The following GATAD2A variants were observed in gnomAD, a reference collection of about 807,000 sequenced individuals.
The protein encoded by GATAD2A is transcriptional repressor p66-alpha.
Under a neutral mutation model 68.5 loss-of-function variants are expected in GATAD2A, and 12 were observed. The observed-to-expected ratio is 0.18, with a 90% confidence interval of 0.11 to 0.28. The LOEUF is 0.28. GATAD2A is among the 10% of genes least tolerant of loss of function. The pLI, the probability that GATAD2A is intolerant of heterozygous loss-of-function variation, is 1.00. For missense variants in GATAD2A, 755 were observed against 868.5 expected (o/e 0.87, Z 1.64); for synonymous variants, 410 against 375.3 (o/e 1.09, Z -1.07).
intron 1 of GATAD2A, among the ~76,000 whole-genome samples, chr19:19,410,522 T>C (rs1784071126): frequency 6.6e-6 from 1 of 152,250 alleles, no homozygotes. Flanking sequence ...CAGTTCCGTC[T>C]CAGGACCTGG....
At chr19:19,481,978 G>A (rs550672371) in intron 2 of GATAD2A, among the ~76,000 whole-genome samples, 3 of 152,142 alleles carry the variant, frequency 2.0e-5, no homozygotes, top group Middle Eastern at 3.4e-3. Flanking sequence ...GTGGTGGCTC[G>A]TGCCTGTAGT....
At chr19:19,499,115 G>A (rs2060347519) in intron 8 of GATAD2A, among the ~76,000 whole-genome samples, 1 of 152,226 alleles carries the variant, frequency 6.6e-6, no homozygotes, top group South Asian at 2.1e-4. Flanking sequence ...CAGCTTCTGA[G>A]GAGGGAGAGG....
At position 19,467,572 on chromosome 19, in the gene GATAD2A, T is replaced by G. The variant is rs144320024; in HGVS notation, c.269+1958T>G. Among the ~76,000 whole-genome samples the G allele has an allele frequency of 2.0e-5, 3 of 152,318 alleles. No individual in the cohort carries two copies. The East Asian group carries it at 5.8e-4, about 29-fold the overall frequency. On this transcript the variant is annotated intron_variant, in intron 2 of 11. Coordinates refer to ENST00000683918, the MANE Select transcript of GATAD2A (RefSeq NM_001384528.1). ...GCATTGTGAGATTTACCCATATTGT[T>G]GTGCATACCAGTAGTTAATCCATTT...
At chr19:19,454,389 GGAGTTC>G (rs2056721062) in intron 1 of GATAD2A, among the ~76,000 whole-genome samples, 1 of 151,562 alleles carries the variant, frequency 6.6e-6, no homozygotes, top group Non-Finnish European at 1.5e-5. Context: ...CCTGAGCTCA[GGAGTTC>G]GAGACCAGCC....
At chr19:19,439,352 A>C (rs1006536315) in intron 1 of GATAD2A, among the ~76,000 whole-genome samples, 5 of 152,208 alleles carry the variant, frequency 3.3e-5, no homozygotes, top group African/African-American at 1.2e-4. Context: ...CAGGACAGGT[A>C]ATGCACATGG....
intron 1 of GATAD2A, among the ~76,000 whole-genome samples, chr19:19,419,285 G>C (rs761756432): frequency 4.6e-5 from 7 of 152,168 alleles, no homozygotes; most frequent in Admixed American, 4.6e-4. Flanking sequence ...TTATGACCCA[G>C]GCCGGGTAGT....
At chr19:19,498,859 A>G (rs1600298521) in intron 8 of GATAD2A, 137 bp downstream of exon 8, 4 of 699,122 alleles carry the variant, frequency 5.7e-6, no homozygotes, top group Non-Finnish European at 9.7e-6. Context: ...CTTGGCAGGG[A>G]CACCGTCAGT....
intron 1 of GATAD2A, among the ~76,000 whole-genome samples, chr19:19,455,054 A>G (rs1041855614): frequency 2.0e-5 from 3 of 152,120 alleles, no homozygotes; most frequent in African/African-American, 7.2e-5. Context: ...CCAACCGTGG[A>G]TTGAAAATAT....
In GATAD2A at chr19:19,496,146, A is replaced by G; in HGVS notation, c.851A>G (p.Gln284Arg). ...GTGCCCAGTGTGCAGATTCAGGGAC[A>G]GAGGATCATCCAGCAGGGCCTCATC... ...ASVPSVQIQG[Q>R]RIIQQGLIRV... Residue 284 changes from glutamine to arginine, a missense_variant, in exon 7 of 12, where the codon CAG (glutamine) becomes CGG (arginine). Physicochemically the swap from Gln to Arg is conservative, Grantham distance 43. Coordinates refer to ENST00000683918, the MANE Select transcript of GATAD2A (RefSeq NM_001384528.1). 6.2e-7 allele frequency: 1 copy of G among 1,613,824 alleles called. No individual in the cohort carries two copies. The highest frequency in any genetic ancestry group is 1.3e-5 in the African/African-American group (1 of 75,056).
chr19:19,391,832 A>G (rs1430185737), intron 1 of GATAD2A, among the ~76,000 whole-genome samples: 4 of 152,226 alleles, frequency 2.6e-5, no homozygotes, highest in African/African-American at 9.6e-5. Flanking sequence ...GAACTGAAAT[A>G]GCTAGGGAAG....
At chr19:19,484,546 T>C (rs1468976171) in intron 2 of GATAD2A, among the ~76,000 whole-genome samples, 4 of 146,474 alleles carry the variant, frequency 2.7e-5, no homozygotes, top group Admixed American at 1.4e-4. Context: ...TTTTTTTTTT[T>C]TTTTGAGACG....
At chr19:19,473,018 C>G (rs945699085) in intron 2 of GATAD2A, among the ~76,000 whole-genome samples, 1 of 152,202 alleles carries the variant, frequency 6.6e-6, no homozygotes, top group South Asian at 2.1e-4. Flanking sequence ...TGTGGCTCAC[C>G]GTCTCCATTT....
chr19:19,489,962 C>T (rs1403279017), intron 2 of GATAD2A, among the ~76,000 whole-genome samples: 1 of 152,184 alleles, frequency 6.6e-6, no homozygotes, highest in East Asian at 1.9e-4. Context: ...AATTAGAGCC[C>T]TGAGGTCACC....
chr19:19,398,821 G>A (rs2049470991), intron 1 of GATAD2A, among the ~76,000 whole-genome samples: 1 of 151,894 alleles, frequency 6.6e-6, no homozygotes, highest in Non-Finnish European at 1.5e-5. Context: ...AGCACTTTGG[G>A]AGGCCAAGGC....
At position 19,492,726 on chromosome 19, in the gene GATAD2A, T is replaced by TC; in HGVS notation, c.534+18dup. 1 of 1,613,656 alleles carries TC rather than the reference T, an allele frequency of 6.2e-7. No homozygotes were observed. Among genetic ancestry groups the TC allele is most frequent in the Non-Finnish European group, 8.5e-7 (1 of 1,179,756 alleles). On this transcript the variant is annotated intron_variant, in intron 4 of 11. Transcript: ENST00000683918. ...ACCGCCCAGAAGGTGCGTGCCTGTCTCCCCTCCTTCCTGGGCCAGCAGGAG... is the reference window on the plus strand; with the variant it reads ...ACCGCCCAGAAGGTGCGTGCCTGTCTCCCCCTCCTTCCTGGGCCAGCAGGAG...
chr19:19,486,778 G>T (rs894357933), intron 2 of GATAD2A, among the ~76,000 whole-genome samples: 2 of 152,204 alleles, frequency 1.3e-5, no homozygotes, highest in African/African-American at 4.8e-5. Flanking sequence ...GCTGTCTAAG[G>T]TGCCCGAGCC....
intron 1 of GATAD2A, among the ~76,000 whole-genome samples, chr19:19,434,484 C>A (rs2054099176): frequency 6.6e-6 from 1 of 152,162 alleles, no homozygotes; most frequent in African/African-American, 2.4e-5. Flanking sequence ...GCAAGTTCTC[C>A]TGTGGGAGTG....
At chr19:19,409,763 G>C (rs994852494) in intron 1 of GATAD2A, among the ~76,000 whole-genome samples, 1 of 152,208 alleles carries the variant, frequency 6.6e-6, no homozygotes, top group Non-Finnish European at 1.5e-5. Context: ...GTACCACTGG[G>C]GACAGATCCC....
intron 11 of GATAD2A, among the ~76,000 whole-genome samples, chr19:19,504,817 A>AT (rs1179183669): frequency 1.3e-5 from 2 of 150,590 alleles, no homozygotes; most frequent in Middle Eastern, 3.2e-3. Context: ...TCCAGCTGAT[A>AT]TTTTTTTTAG....
Sources: gnomAD v4.1 joint callset for allele counts (sites outside exome capture counted in the v4.1 genomes callset) on GRCh38, gnomAD v4.1.1 for gene constraint, MANE v1.5 for transcripts, NCBI Gene and HGNC (gene_info 2026-07-23, HGNC 2026-07-21) for gene names.